The following CADPS variants were observed in gnomAD, a reference collection of about 807,000 sequenced individuals.
CADPS encodes calcium dependent secretion activator.
In CADPS, 57 loss-of-function variants were observed where a neutral mutation model predicts 167.3. That is an observed-to-expected ratio of 0.34 (90% CI 0.28 to 0.42). The LOEUF (loss-of-function observed/expected upper bound fraction) is 0.42, where lower values mean the gene tolerates loss of function less well. CADPS is among the 20% of genes least tolerant of loss of function. CADPS has a pLI of 1.00. For synonymous variants in CADPS, 676 were observed against 635.3 expected (o/e 1.06, Z -0.96); for missense variants, 1,414 against 1,738.1 (o/e 0.81, Z 3.32).
chr3:62,594,322 C>T (rs1578415045), intron 6 of CADPS, among the ~76,000 whole-genome samples: 1 of 151,194 alleles, frequency 6.6e-6, no homozygotes, highest in South Asian at 2.1e-4. Flanking sequence ...CCACTATGCC[C>T]GGCTAATTTT....
rs1008225846 is a variant in CADPS at position 62,778,020 on chromosome 3, G to A, written c.442-12036C>T. On this transcript the variant is annotated intron_variant, in intron 1 of 29. Coordinates refer to ENST00000383710, the MANE Select transcript of CADPS (RefSeq NM_003716.4). ...TTACAATGCTATTTATCATTGGCTC[G>A]ATTCTCCCTCTGTGACTTTATATTA... is the stretch of plus-strand genomic sequence containing the variant. 4.6e-5 allele frequency among the ~76,000 whole-genome samples: 7 copies of A among 152,120 alleles called. No homozygotes were observed. In the South Asian group the frequency reaches 1.0e-3, roughly 23 times the overall value.
At chr3:62,451,538 T>C (rs1397665429) in intron 26 of CADPS, among the ~76,000 whole-genome samples, 1 of 150,372 alleles carries the variant, frequency 6.7e-6, no homozygotes, top group African/African-American at 2.5e-5. Flanking sequence ...GACTCAAAGA[T>C]GGAAGAAGAA....
intron 1 of CADPS, among the ~76,000 whole-genome samples, chr3:62,828,462 G>A (rs183630594): frequency 6.6e-6 from 1 of 152,232 alleles, no homozygotes; most frequent in East Asian, 1.9e-4. Context: ...ATTAGTAACT[G>A]AGATAATAGC....
intron 28 of CADPS, 148 bp from the exon 29 acceptor site, chr3:62,403,333 C>CGTTA: frequency 1.7e-6 from 1 of 587,556 alleles, no homozygotes; most frequent in Non-Finnish European, 3.1e-6. Flanking sequence ...GTTTAATGAA[C>CGTTA]GTTAGTTAGT....
chr3:62,456,899 G>A (rs2058750621), intron 26 of CADPS, among the ~76,000 whole-genome samples: 1 of 152,146 alleles, frequency 6.6e-6, no homozygotes, highest in Admixed American at 6.5e-5. Flanking sequence ...AACATAGGAA[G>A]AGAAATGGAG....
chr3:62,691,837 C>A (rs537237785), intron 3 of CADPS, among the ~76,000 whole-genome samples: 1 of 151,942 alleles, frequency 6.6e-6, no homozygotes, highest in Non-Finnish European at 1.5e-5. Context: ...GGGCTTAATA[C>A]CTTGGTGATG....
Position 62,699,416 on chromosome 3 carries a change from C to A in CADPS, c.889-37022G>T, listed in dbSNP as rs188258389. On this transcript the variant is annotated intron_variant, in intron 3 of 29. Transcript: ENST00000383710. ...TAAAACAAATATTGATATTTGGGTTCTCACCCCCAGAGATTCTAATCTAAG... is the reference window on the plus strand; with the variant it reads ...TAAAACAAATATTGATATTTGGGTTATCACCCCCAGAGATTCTAATCTAAG... 4.1e-4 allele frequency among the ~76,000 whole-genome samples: 63 copies of A among 152,190 alleles called. 1 individual carries two copies. Among genetic ancestry groups the A allele is most frequent in the Admixed American group, 4.1e-3 (63 of 15,284 alleles).
intron 10 of CADPS, among the ~76,000 whole-genome samples, chr3:62,553,179 C>T (rs150524768): frequency 8.5e-4 from 129 of 152,288 alleles, no homozygotes; most frequent in Non-Finnish European, 1.5e-3. Flanking sequence ...AGGCCTCCCC[C>T]TCACCCAGGG....
intron 3 of CADPS, among the ~76,000 whole-genome samples, chr3:62,670,451 C>T (rs191686210): frequency 1.3e-5 from 2 of 152,112 alleles, no homozygotes; most frequent in Non-Finnish European, 2.9e-5. Flanking sequence ...CTTTATCATG[C>T]CTTATTTCCT....
rs75640884 is a variant in CADPS at position 62,866,006 on chromosome 3, C to G, written c.441+8583G>C. Among the ~76,000 whole-genome samples, 1,405 of 152,184 alleles carry G rather than the reference C, an allele frequency of 9.2e-3. 17 individuals carry two copies. The highest frequency in any genetic ancestry group is 0.032 in the South Asian group (156 of 4,822). ...TTTTCACTAACCCAAATGAAATGCA[C>G]TAAAAAATGCACACCCAATATGAAA... On this transcript the variant is annotated intron_variant, in intron 1 of 29. Coordinates refer to ENST00000383710, the MANE Select transcript of CADPS (RefSeq NM_003716.4).
At chr3:62,592,899 TAACA>T in intron 6 of CADPS, 151 bp from the exon 7 acceptor site, 1 of 544,630 alleles carries the variant, frequency 1.8e-6, no homozygotes, top group Non-Finnish European at 3.3e-6. Context: ...GCTGCCAGAG[TAACA>T]AACGTGTTAA....
At chr3:62,842,086 T>C (rs2076724528) in intron 1 of CADPS, among the ~76,000 whole-genome samples, 1 of 152,126 alleles carries the variant, frequency 6.6e-6, no homozygotes, top group Non-Finnish European at 1.5e-5. Context: ...ACCAAGATAT[T>C]TGGGAAGTTT....
intron 3 of CADPS, among the ~76,000 whole-genome samples, chr3:62,671,126 A>T (rs1365592390): frequency 2.6e-5 from 4 of 152,214 alleles, no homozygotes; most frequent in African/African-American, 4.8e-5. Context: ...CAATGCCAAC[A>T]GCAGAGGCTT....
In CADPS at chr3:62,438,007, A is replaced by G. The variant is rs569336894; in HGVS notation, c.3777+97T>C. The G allele has an allele frequency of 5.1e-6, 4 of 777,822 alleles. No homozygotes were observed. The African/African-American group carries it at 5.2e-5, about 10-fold the overall frequency. 48.2% of individuals were successfully genotyped at this position (777,822 alleles called of 1,614,324 possible). A position where few individuals can be genotyped will look rare whatever the true frequency, so the allele number is the denominator to read the frequency against. ...ATTTAGTCTGAATCAGAACCAATCC[A>G]TTTTCTCAAAATGTGACTTATCCTC... On this transcript the variant is annotated intron_variant, in intron 28 of 29. Transcript: ENST00000383710. The surrounding 1 kb of genome is among the most constrained non-coding windows in gnomAD (Gnocchi z 4.7).
chr3:62,769,951 C>A (rs1034772584), intron 1 of CADPS, among the ~76,000 whole-genome samples: 3 of 152,126 alleles, frequency 2.0e-5, no homozygotes, highest in Non-Finnish European at 4.4e-5. Context: ...GGGTAACATA[C>A]CTCAAGATCT....
intron 8 of CADPS, among the ~76,000 whole-genome samples, chr3:62,583,080 A>C (rs559930008): frequency 7.9e-5 from 12 of 152,214 alleles, no homozygotes; most frequent in Non-Finnish European, 2.9e-5. Context: ...GTTTAAAAAA[A>C]GCACTTTAGA....
intron 6 of CADPS, among the ~76,000 whole-genome samples, chr3:62,636,106 A>G (rs1174815805): frequency 6.6e-6 from 1 of 152,174 alleles, no homozygotes; most frequent in African/African-American, 2.4e-5. Context: ...AATAAGAATA[A>G]CATCTCTTAC....
In CADPS at chr3:62,602,215, A is replaced by G. The variant is rs1242066464; in HGVS notation, c.1326-9467T>C. 1.5e-5 allele frequency among the ~76,000 whole-genome samples: 2 copies of G among 132,124 alleles called. No homozygotes were observed. Among genetic ancestry groups the G allele is most frequent in the Middle Eastern group, 4.5e-3 (1 of 222 alleles). The allele number at this position is 132,124 out of a possible 152,430, so 86.7% of individuals were successfully genotyped here. A position where few individuals can be genotyped will look rare whatever the true frequency, so the allele number is the denominator to read the frequency against. ...AGTAAGCCAAGAACACATCTACGTTAGGCAAATAAGGACCCTTGGAGAATT... is the reference window on the plus strand; with the variant it reads ...AGTAAGCCAAGAACACATCTACGTTGGGCAAATAAGGACCCTTGGAGAATT... On this transcript the variant is annotated intron_variant, in intron 6 of 29. Coordinates refer to ENST00000383710, the MANE Select transcript of CADPS (RefSeq NM_003716.4). The surrounding 1 kb of genome is among the most constrained non-coding windows in gnomAD (Gnocchi z 4.4).
In CADPS at chr3:62,565,770, A is replaced by G. The variant is rs74348944; in HGVS notation, c.1644+5102T>C. On this transcript the variant is annotated intron_variant, in intron 9 of 29. Coordinates refer to ENST00000383710, the MANE Select transcript of CADPS (RefSeq NM_003716.4). ...ATGGGAATTGCTACTTTGGTCCAGC[A>G]CTCCTCTGAGTATATCCTTTATCCC... Among the ~76,000 whole-genome samples the G allele has an allele frequency of 3.8e-3, 580 of 152,160 alleles. 5 individuals are homozygous for G. The highest frequency in any genetic ancestry group is 0.012 in the African/African-American group (511 of 41,498).
Sources: allele counts gnomAD v4.1 joint callset (sites outside exome capture counted in the v4.1 genomes callset), GRCh38; gene constraint gnomAD v4.1.1; non-coding constraint Gnocchi (gnomAD v3.1); transcripts MANE v1.5; gene names NCBI Gene and HGNC (gene_info 2026-07-23, HGNC 2026-07-21).